Variants in PACSIN2 observed in about 807,000 individuals in gnomAD.
The protein encoded by PACSIN2 is protein kinase C and casein kinase substrate in neurons protein 2.
Under a neutral mutation model 63.8 loss-of-function variants are expected in PACSIN2, and 25 were observed. The observed-to-expected ratio is 0.39, with a 90% CI of 0.29 to 0.55. The LOEUF is 0.55. Among genes scored for constraint, PACSIN2 ranks in the 20% least tolerant of loss-of-function variants. The probability of loss-of-function intolerance (pLI) is 0.62; values close to 1 mark genes in which losing one functional copy is unlikely to be tolerated. For synonymous variants in PACSIN2, 255 were observed against 256.2 expected (o/e 1.00, Z 0.05); for missense variants, 518 against 646.9 (o/e 0.80, Z 2.16).
intron 3 of PACSIN2, 43 bp from the exon 4 acceptor site, chr22:42,891,225 T>C: frequency 7.4e-7 from 1 of 1,358,854 alleles, no homozygotes; most frequent in Non-Finnish European, 1.0e-6. Flanking sequence ...GCGCCGGCCA[T>C]GGTGGGGTCT....
At chr22:42,962,586 G>A (rs1920925945) in intron 1 of PACSIN2, among the ~76,000 whole-genome samples, 1 of 151,644 alleles carries the variant, frequency 6.6e-6, no homozygotes, top group Admixed American at 6.6e-5. Flanking sequence ...TGGAGGGTGA[G>A]GTCTGGGGTA....
intron 1 of PACSIN2, among the ~76,000 whole-genome samples, chr22:42,969,731 G>A (rs1274983454): frequency 6.6e-6 from 1 of 151,942 alleles, no homozygotes; most frequent in Non-Finnish European, 1.5e-5. Context: ...TCGAGTCCAC[G>A]TGTTCGAGAC....
At chr22:42,955,868 T>C (rs1213811623) in intron 1 of PACSIN2, among the ~76,000 whole-genome samples, 1 of 152,220 alleles carries the variant, frequency 6.6e-6, no homozygotes, top group East Asian at 1.9e-4. Flanking sequence ...TTTCTTCATG[T>C]GTCAGTTCAT....
intron 1 of PACSIN2, among the ~76,000 whole-genome samples, chr22:42,961,579 C>A (rs1041636152): frequency 6.6e-6 from 1 of 152,062 alleles, no homozygotes; most frequent in African/African-American, 2.4e-5. Context: ...TGAGACCAGC[C>A]TAGCCAATAT....
At chr22:42,975,328 T>C (rs1382281402) in intron 1 of PACSIN2, among the ~76,000 whole-genome samples, 3 of 151,740 alleles carry the variant, frequency 2.0e-5, no homozygotes, top group African/African-American at 7.3e-5. Flanking sequence ...TATTAAAAGG[T>C]AGAAAGGGGG....
rs116782174 is a variant in PACSIN2, at chr22:42,898,842, G to C, written c.61-5229C>G. The stretch of plus-strand genomic sequence containing the variant: ...GTCAGCTAGGATGAGGTGGCAGCTG[G>C]AATCTCAACCATCCCTGTGCAGAAA... On this transcript the variant is annotated intron_variant, in intron 2 of 10. Transcript: ENST00000263246. 6.9e-3 allele frequency among the ~76,000 whole-genome samples: 1,047 copies of C among 152,266 alleles called. 8 individuals carry two copies. The highest frequency in any genetic ancestry group is 0.024 in the African/African-American group (1,000 of 41,534).
chr22:42,988,985 C>T (rs1474007517), intron 1 of PACSIN2, among the ~76,000 whole-genome samples: 1 of 151,964 alleles, frequency 6.6e-6, no homozygotes, highest in African/African-American at 2.4e-5. Context: ...GCTCAAGCAA[C>T]TCTCCCACCT....
At chr22:42,921,804 T>C (rs1261910261) in intron 1 of PACSIN2, among the ~76,000 whole-genome samples, 2 of 151,934 alleles carry the variant, frequency 1.3e-5, no homozygotes, top group Admixed American at 6.6e-5. Flanking sequence ...AGTGGCGCGA[T>C]CTCAGCTCAC....
intron 10 of PACSIN2, among the ~76,000 whole-genome samples, chr22:42,875,364 G>A (rs1202014876): frequency 6.6e-6 from 1 of 151,792 alleles, no homozygotes; most frequent in East Asian, 1.9e-4. Flanking sequence ...CTGTTGCCCA[G>A]GTTATTTATT....
At chr22:43,013,355 C>A (rs963343090) in intron 1 of PACSIN2, among the ~76,000 whole-genome samples, 11 of 152,176 alleles carry the variant, frequency 7.2e-5, no homozygotes, top group Non-Finnish European at 1.6e-4. Context: ...GAAAAACACA[C>A]CAATGTTTTT....
chr22:42,888,398 C>T (rs1293561044), intron 5 of PACSIN2, among the ~76,000 whole-genome samples: 1 of 152,252 alleles, frequency 6.6e-6, no homozygotes, highest in African/African-American at 2.4e-5. Context: ...GCACCAAGAG[C>T]TGTCTCTTAC....
intron 1 of PACSIN2, among the ~76,000 whole-genome samples, chr22:42,986,266 C>T (rs1031563447): frequency 6.6e-6 from 1 of 152,186 alleles, no homozygotes; most frequent in Non-Finnish European, 1.5e-5. Context: ...CAAAACCGTG[C>T]CACTGCGTCA....
chr22:42,919,387 T>C (rs738383), intron 1 of PACSIN2, among the ~76,000 whole-genome samples: 68,413 of 151,996 alleles, frequency 0.45, 15,948 homozygotes, highest in Non-Finnish European at 0.49. Context: ...GAGTCATCCC[T>C]GGTCTTTCCA....
intron 1 of PACSIN2, among the ~76,000 whole-genome samples, chr22:42,982,869 T>TTAAAAAAAA (rs1922285238): frequency 4.5e-5 from 2 of 44,014 alleles, no homozygotes; most frequent in African/African-American, 1.4e-4. Context: ...GAATGATCAA[T>TTAAAAAAAA]AAAAAAAAAA....
At position 42,993,106 on chromosome 22, in the gene PACSIN2, G is replaced by A. The variant is rs561484149; in HGVS notation, c.-78+21915C>T. On this transcript the variant is annotated intron_variant, in intron 1 of 10. Coordinates refer to ENST00000263246, the MANE Select transcript of PACSIN2 (RefSeq NM_001184970.3). Reference sequence around the variant, plus strand: ...GGAGAATCACTTCAACCCGGGAGGCGGAGGTTGCAGTGAGTCGAGATTGCA... The same window carrying A: ...GGAGAATCACTTCAACCCGGGAGGCAGAGGTTGCAGTGAGTCGAGATTGCA... 5.3e-5 allele frequency among the ~76,000 whole-genome samples: 8 copies of A among 152,086 alleles called. No homozygotes were observed. The East Asian group carries it at 1.4e-3, about 26-fold the overall frequency.
Position 42,891,163 on chromosome 22 carries a change from C to T in PACSIN2, c.237G>A (p.Val79=). 1 of 1,613,640 alleles carries T rather than the reference C, an allele frequency of 6.2e-7. No individual in the cohort carries two copies. The highest frequency in any genetic ancestry group is 8.5e-7 in the Non-Finnish European group (1 of 1,179,828). ...ACATGAAGGCCATCCAGGCCTTCTC[C>T]ACGGTCCCGTACTGGGGCCCTGTGC... ...LVEKGPQYGT[V]EKAWMAFMSE... is the part of the protein sequence containing the mutation. Residue 79 remains valine (V), a synonymous_variant, in exon 4 of 11, where the codon GTG becomes GTA. Transcript: ENST00000263246.
Position 42,973,786 on chromosome 22 carries a change from T to C in PACSIN2, c.-78+41235A>G, listed in dbSNP as rs576665871. Among the ~76,000 whole-genome samples the C allele has an allele frequency of 3.1e-3, 471 of 152,342 alleles. 3 individuals are homozygous for C. Among genetic ancestry groups the C allele is most frequent in the African/African-American group, 0.011 (464 of 41,594 alleles). ...CCACTCCCGTCTCCATCATCCCTCA[T>C]TGCCCTTGTTTCCTTGGCACCTAGC... On this transcript the variant is annotated intron_variant, in intron 1 of 10. Coordinates refer to ENST00000263246, the MANE Select transcript of PACSIN2 (RefSeq NM_001184970.3).
intron 7 of PACSIN2, among the ~76,000 whole-genome samples, chr22:42,880,902 T>TG (rs1929021874): frequency 3.3e-5 from 5 of 152,188 alleles, no homozygotes; most frequent in Admixed American, 6.5e-5. Context: ...CAGCAAATCC[T>TG]CGCTGTGTCT....
At chr22:42,878,951 C>T in intron 8 of PACSIN2, 97 bp downstream of exon 8, 1 of 1,396,320 alleles carries the variant, frequency 7.2e-7, no homozygotes, top group South Asian at 1.5e-5. Context: ...CCAGGAACCT[C>T]CCAGGTGTCC....
Sources: allele counts gnomAD v4.1 joint callset (sites outside exome capture counted in the v4.1 genomes callset), GRCh38; gene constraint gnomAD v4.1.1; transcripts MANE v1.5; gene names NCBI Gene and HGNC (gene_info 2026-07-23, HGNC 2026-07-21).